Variants in ATL3 observed in about 807,000 individuals in gnomAD.
ATL3 encodes atlastin-3.
ATL3 carries 49 observed loss-of-function variants against 69.5 expected under a neutral mutation model. The observed-to-expected ratio is 0.71, with a 90% CI of 0.56 to 0.89. The LOEUF (loss-of-function observed/expected upper bound fraction) is 0.89, where lower values mean the gene tolerates loss of function less well. Among genes scored for constraint, ATL3 ranks in the 40% least tolerant of loss-of-function variants. The pLI is 0.00. For synonymous variants in ATL3, 214 were observed against 224.1 expected (o/e 0.95, Z 0.40); for missense variants, 606 against 645.7 (o/e 0.94, Z 0.67).
chr11:63,658,152 G>A (rs1190128794), intron 3 of ATL3, among the ~76,000 whole-genome samples: 5 of 152,088 alleles, frequency 3.3e-5, no homozygotes, highest in East Asian at 1.9e-4. Flanking sequence ...CACAGCACCC[G>A]GCTGCCACTG....
chr11:63,624,288 T>A lies in ATL3; in HGVS notation c.*5031A>T, dbSNP rs888773953. On this transcript the variant is annotated 3_prime_UTR_variant, in exon 13 of 13. Coordinates refer to ENST00000398868, the MANE Select transcript of ATL3 (RefSeq NM_015459.5). The stretch of plus-strand genomic sequence containing the variant: ...TTAAAATAAAAAAACCTGAGGAAAA[T>A]TTGTGTATGTACAAGATTAGTATTA... 2.6e-5 allele frequency: 4 copies of A among 152,166 alleles called. No individual in the cohort carries two copies. The highest frequency in any genetic ancestry group is 9.7e-5 in the African/African-American group (4 of 41,436). The allele number at this position is 152,166 out of a possible 1,614,324, so 9.4% of individuals were successfully genotyped here. A position where few individuals can be genotyped will look rare whatever the true frequency, so the allele number is the denominator to read the frequency against.
intron 3 of ATL3, among the ~76,000 whole-genome samples, chr11:63,656,702 C>A (rs1292966860): frequency 6.6e-6 from 1 of 150,476 alleles, no homozygotes; most frequent in Non-Finnish European, 1.5e-5. Flanking sequence ...CCACTGCACT[C>A]CAGCCTGAGC....
intron 1 of ATL3, among the ~76,000 whole-genome samples, chr11:63,660,331 C>G (rs1241387927): frequency 6.6e-6 from 1 of 152,130 alleles, no homozygotes; most frequent in African/African-American, 2.4e-5. Context: ...ACTTCCATAT[C>G]ATTACTTAAC....
At chr11:63,636,130 T>A (rs1939507096) in intron 9 of ATL3, 77 bp downstream of exon 9, 2 of 1,548,744 alleles carry the variant, frequency 1.3e-6, no homozygotes, top group East Asian at 4.5e-5. Flanking sequence ...TTCAAAATAT[T>A]TAAATTCAAG....
chr11:63,665,653 T>C (rs574343819), intron 1 of ATL3, among the ~76,000 whole-genome samples: 7 of 151,838 alleles, frequency 4.6e-5, no homozygotes, highest in East Asian at 3.9e-4. Context: ...TTTTGGGAGG[T>C]TGAGGCAGGC....
chr11:63,636,359 GA>G (rs1315075790), intron 8 of ATL3, 25 bp from the exon 9 acceptor site: 1 of 1,613,234 alleles, frequency 6.2e-7, no homozygotes, highest in Non-Finnish European at 8.5e-7. Context: ...ACAAAGAAGG[GA>G]AAAATAAGCC....
At chr11:63,642,192 C>T (rs61928165) in intron 8 of ATL3, among the ~76,000 whole-genome samples, 20,998 of 152,144 alleles carry the variant, frequency 0.14, 1,570 homozygotes, top group Middle Eastern at 0.18. Flanking sequence ...TTTCTCTCCC[C>T]AAGCAATAAT....
intron 1 of ATL3, among the ~76,000 whole-genome samples, chr11:63,663,001 T>C (rs900743210): frequency 1.1e-4 from 16 of 152,168 alleles, no homozygotes; most frequent in Non-Finnish European, 2.4e-4. Context: ...GGCTACACGA[T>C]CATGGCAGGC....
At chr11:63,634,932 C>T (rs12281898) in intron 10 of ATL3, among the ~76,000 whole-genome samples, 2,235 of 151,440 alleles carry the variant, frequency 0.015, 57 homozygotes, top group African/African-American at 0.052. Context: ...GAGGCCAAGA[C>T]GGTCGGATTG....
At chr11:63,671,211 C>T in intron 1 of ATL3, 79 bp downstream of exon 1, 1 of 1,470,836 alleles carries the variant, frequency 6.8e-7, no homozygotes, top group Non-Finnish European at 9.0e-7. Context: ...GCGGCGCGGG[C>T]GGGGGTTCTT....
chr11:63,647,203 AT>A (rs112944512), intron 5 of ATL3, among the ~76,000 whole-genome samples: 40 of 149,570 alleles, frequency 2.7e-4, no homozygotes, highest in African/African-American at 8.8e-4. Flanking sequence ...TTAAAAAAAA[AT>A]TTTTTTTTTT....
intron 3 of ATL3, among the ~76,000 whole-genome samples, chr11:63,653,978 C>T (rs1305115740): frequency 6.6e-6 from 1 of 152,050 alleles, no homozygotes; most frequent in Non-Finnish European, 1.5e-5. Flanking sequence ...CTAAAGTAAA[C>T]TATGTATGGG....
chr11:63,629,055 T>C lies in ATL3; in HGVS notation c.*264A>G. 2 of 405,024 alleles carry C rather than the reference T, an allele frequency of 4.9e-6. No individual in the cohort carries two copies. The highest frequency in any genetic ancestry group is 8.9e-6 in the Non-Finnish European group (2 of 225,386). The allele number at this position is 405,024 out of a possible 1,614,324, so 25.1% of individuals were successfully genotyped here. A position where few individuals can be genotyped will look rare whatever the true frequency, so the allele number is the denominator to read the frequency against. Reference sequence around the variant, plus strand: ...TCCTCTAGCTTCCTCCTCCATAAAGTGCACAAAGCAGAGTAATATGAAAAT... The same window carrying C: ...TCCTCTAGCTTCCTCCTCCATAAAGCGCACAAAGCAGAGTAATATGAAAAT... On this transcript the variant is annotated 3_prime_UTR_variant, in exon 13 of 13. Coordinates refer to ENST00000398868, the MANE Select transcript of ATL3 (RefSeq NM_015459.5).
chr11:63,668,105 T>C (rs554183856), intron 1 of ATL3, among the ~76,000 whole-genome samples: 2 of 152,210 alleles, frequency 1.3e-5, no homozygotes, highest in African/African-American at 2.4e-5. Flanking sequence ...AGAAACACTT[T>C]GCTGAGTAGA....
intron 1 of ATL3, among the ~76,000 whole-genome samples, chr11:63,667,326 T>G (rs1320813708): frequency 6.6e-6 from 1 of 151,950 alleles, no homozygotes; most frequent in Admixed American, 6.6e-5. Flanking sequence ...TTTGTATAAT[T>G]AGAAAGCATT....
chr11:63,658,628 CT>C, intron 3 of ATL3, 132 bp downstream of exon 3: 1 of 1,046,222 alleles, frequency 9.6e-7, no homozygotes. Flanking sequence ...AAAACAGGGA[CT>C]TTTTAACTTT....
Position 63,629,395 on chromosome 11 carries a change from T to G in ATL3, c.1550A>C (p.His517Pro), listed in dbSNP as rs142132706. 7 of 1,614,094 alleles carry G rather than the reference T, an allele frequency of 4.3e-6. No homozygotes were observed. In the East Asian group the frequency reaches 1.6e-4, roughly 36 times the overall value. ...AAYVLEQASS[H>P]IGNSTQATVR... ...AGTGGCCTGAGTGGAATTACCGATA[T>G]GAGAAGAAGCCTGCAAAAGTCCATT... Residue 517 changes from histidine to proline, a missense_variant, in exon 13 of 13, where the codon CAT (histidine) becomes CCT (proline). Transcript: ENST00000398868.
chr11:63,653,959 G>A (rs888628650), intron 3 of ATL3, among the ~76,000 whole-genome samples: 3 of 152,128 alleles, frequency 2.0e-5, no homozygotes, highest in Non-Finnish European at 4.4e-5. Context: ...ACAACACAAT[G>A]AGTGAGCCCT....
rs1227144617 is a variant in ATL3, at chr11:63,632,896, G to A, written c.1107+130C>T. ...AATAATTAGAAGGCCCCCGTTACCA[G>A]GACAACCTGAATATAAGTTTATTGC... On this transcript the variant is annotated intron_variant, in intron 11 of 12. Transcript: ENST00000398868. The A allele has an allele frequency of 1.4e-5, 12 of 861,328 alleles. No homozygotes were observed. In the East Asian group the frequency reaches 1.5e-4, roughly 11 times the overall value. The allele number at this position is 861,328 out of a possible 1,614,324, so 53.4% of individuals were successfully genotyped here. A position where few individuals can be genotyped will look rare whatever the true frequency, so the allele number is the denominator to read the frequency against.
Sources: gnomAD v4.1 joint callset for allele counts (sites outside exome capture counted in the v4.1 genomes callset) on GRCh38, gnomAD v4.1.1 for gene constraint, MANE v1.5 for transcripts, NCBI Gene and HGNC (gene_info 2026-07-23, HGNC 2026-07-21) for gene names.